The following MARK1 variants were observed in gnomAD, a reference collection of about 807,000 sequenced individuals.
MARK1 encodes microtubule affinity regulating kinase 1.
Under a neutral mutation model 96.3 loss-of-function variants are expected in MARK1, and 40 were observed. The ratio of observed to expected loss-of-function variants is 0.42; its 90% CI spans 0.32 to 0.54. The LOEUF (loss-of-function observed/expected upper bound fraction) is 0.54, where lower values mean the gene tolerates loss of function less well. MARK1 is among the 20% of genes least tolerant of loss of function. The probability of loss-of-function intolerance (pLI) is 0.16; values close to 1 mark genes in which losing one functional copy is unlikely to be tolerated. For missense variants in MARK1, 719 were observed against 984.6 expected (o/e 0.73, Z 3.61); for synonymous variants, 317 against 341.2 (o/e 0.93, Z 0.78).
chr1:220,548,821 G>T (rs1246853105), intron 1 of MARK1, among the ~76,000 whole-genome samples: 1 of 152,138 alleles, frequency 6.6e-6, no homozygotes, highest in Non-Finnish European at 1.5e-5. Context: ...TTTCTGGCAT[G>T]AGTTTGCTGT....
intron 3 of MARK1, among the ~76,000 whole-genome samples, chr1:220,590,384 T>C (rs942839271): frequency 2.6e-5 from 4 of 152,184 alleles, no homozygotes; most frequent in Non-Finnish European, 5.9e-5. Context: ...TGAAGGTGTG[T>C]AGGCAGGTTT....
chr1:220,648,025 C>A (rs1668677159), intron 13 of MARK1, among the ~76,000 whole-genome samples: 1 of 150,286 alleles, frequency 6.7e-6, no homozygotes, highest in South Asian at 2.1e-4. Context: ...GCACATCCTG[C>A]ACATGTACCC....
At chr1:220,650,539 C>T in intron 13 of MARK1, 81 bp from the exon 14 acceptor site, 1 of 849,102 alleles carries the variant, frequency 1.2e-6, no homozygotes, top group Non-Finnish European at 1.9e-6. Context: ...GGATTTTTCT[C>T]AAAGTCAGCT....
intron 9 of MARK1, chr1:220,626,893 C>T: frequency 2.0e-6 from 1 of 490,040 alleles, no homozygotes; most frequent in Non-Finnish European, 4.1e-6. Flanking sequence ...CCTGCCTATG[C>T]TGATGCTGGG....
intron 1 of MARK1, among the ~76,000 whole-genome samples, chr1:220,531,016 A>G (rs1463926008): frequency 6.6e-6 from 1 of 152,200 alleles, no homozygotes; most frequent in African/African-American, 2.4e-5. Flanking sequence ...CAAGGAGCTT[A>G]CAGAAGAGAT....
At chr1:220,602,848 A>G (rs1448404814) in intron 5 of MARK1, among the ~76,000 whole-genome samples, 1 of 152,070 alleles carries the variant, frequency 6.6e-6, no homozygotes, top group African/African-American at 2.4e-5. Context: ...TATTGCATAT[A>G]TATGTAATAT....
chr1:220,572,654 C>T (rs1663554769), intron 1 of MARK1, among the ~76,000 whole-genome samples: 1 of 152,140 alleles, frequency 6.6e-6, no homozygotes, highest in Admixed American at 6.5e-5. Context: ...GTTCCACGTA[C>T]AGTATTATGC....
intron 1 of MARK1, among the ~76,000 whole-genome samples, chr1:220,572,651 G>C (rs932079952): frequency 2.0e-5 from 3 of 152,110 alleles, no homozygotes; most frequent in African/African-American, 7.2e-5. Context: ...TAAGTTCCAC[G>C]TACAGTATTA....
intron 6 of MARK1, among the ~76,000 whole-genome samples, chr1:220,613,564 A>G (rs541880506): frequency 2.7e-4 from 41 of 152,336 alleles, no homozygotes; most frequent in African/African-American, 8.9e-4. Context: ...TAATGTAATT[A>G]TCAGCAAATT....
At chr1:220,565,479 A>G (rs1355270683) in intron 1 of MARK1, among the ~76,000 whole-genome samples, 1 of 152,038 alleles carries the variant, frequency 6.6e-6, no homozygotes, top group Non-Finnish European at 1.5e-5. Flanking sequence ...GAAATGCTGA[A>G]ATGTGAGTGT....
chr1:220,609,698 G>A (rs1172533526), intron 6 of MARK1, among the ~76,000 whole-genome samples: 1 of 152,164 alleles, frequency 6.6e-6, no homozygotes, highest in Non-Finnish European at 1.5e-5. Flanking sequence ...GGTACCAGTT[G>A]TTTCTTTCCA....
rs376172675 is a variant in MARK1, at chr1:220,652,091, T to G, written c.1677T>G (p.Gly559=). The G allele has an allele frequency of 2.3e-5, 37 of 1,613,584 alleles. No individual in the cohort carries two copies. Among genetic ancestry groups the G allele is most frequent in the Non-Finnish European group, 3.0e-5 (35 of 1,179,696 alleles). ...ACCAGAAGTCCATGTCCACTTCTGG[T>G]CATCCTATTAAAGTCACACTGCCAA... The part of the protein sequence containing the change: ...PRHQKSMSTS[G]HPIKVTLPTI... Residue 559 remains glycine, a synonymous_variant, in exon 15 of 18, where the codon GGT becomes GGG. Transcript: ENST00000366917.
chr1:220,632,792 T>G (rs978862834), intron 11 of MARK1, among the ~76,000 whole-genome samples: 2 of 152,252 alleles, frequency 1.3e-5, no homozygotes, highest in African/African-American at 4.8e-5. Context: ...TTGGGAATTC[T>G]CAAGGCCAGG....
At chr1:220,609,643 A>C (rs1017829505) in intron 6 of MARK1, among the ~76,000 whole-genome samples, 1 of 152,190 alleles carries the variant, frequency 6.6e-6, no homozygotes, top group Non-Finnish European at 1.5e-5. Context: ...CAGTTTCTTC[A>C]TAGCATCGAT....
At chr1:220,651,255 A>G (rs1341424327) in intron 14 of MARK1, among the ~76,000 whole-genome samples, 1 of 152,210 alleles carries the variant, frequency 6.6e-6, no homozygotes, top group South Asian at 2.1e-4. Context: ...AGGACTACTC[A>G]TCAATATAGT....
intron 1 of MARK1, among the ~76,000 whole-genome samples, chr1:220,550,038 C>T (rs1394624108): frequency 1.3e-5 from 2 of 152,222 alleles, no homozygotes; most frequent in Non-Finnish European, 2.9e-5. Context: ...TTGGGCTTGC[C>T]TTTTCTCCAT....
intron 9 of MARK1, among the ~76,000 whole-genome samples, chr1:220,630,055 G>T (rs936406921): frequency 6.6e-6 from 1 of 152,094 alleles, no homozygotes; most frequent in East Asian, 1.9e-4. Context: ...CACCATTTTA[G>T]ATTCCTGCCA....
At chr1:220,587,637 TG>T (rs1664732781) in intron 3 of MARK1, among the ~76,000 whole-genome samples, 1 of 152,214 alleles carries the variant, frequency 6.6e-6, no homozygotes, top group African/African-American at 2.4e-5. Flanking sequence ...CCCAAAGTGC[TG>T]GGATTACAGG....
intron 16 of MARK1, among the ~76,000 whole-genome samples, chr1:220,657,584 C>T (rs1170440577): frequency 6.6e-6 from 1 of 151,914 alleles, no homozygotes; most frequent in African/African-American, 2.4e-5. Context: ...TGCCTCTTGA[C>T]AAAAATGAGT....
Sources: allele counts gnomAD v4.1 joint callset (sites outside exome capture counted in the v4.1 genomes callset), GRCh38; gene constraint gnomAD v4.1.1; transcripts MANE v1.5; gene names NCBI Gene and HGNC (gene_info 2026-07-23, HGNC 2026-07-21).